The following SIGLEC11 variants were observed in gnomAD, a reference collection of about 807,000 sequenced individuals.
SIGLEC11 encodes sialic acid-binding Ig-like lectin 11.
Under a neutral mutation model 61.2 loss-of-function variants are expected in SIGLEC11, and 47 were observed. That is an observed-to-expected ratio of 0.77 (90% CI 0.61 to 0.98). SIGLEC11 has a LOEUF of 0.98. SIGLEC11 is among the 50% of genes least tolerant of loss of function. The pLI is 0.00. For missense variants in SIGLEC11, 610 were observed against 870.3 expected (o/e 0.70, Z 3.76); for synonymous variants, 278 against 373.1 (o/e 0.75, Z 2.94).
At chr19:49,950,647 C>G (rs1278643855) in intron 10 of SIGLEC11, among the ~76,000 whole-genome samples, 2 of 152,206 alleles carry the variant, frequency 1.3e-5, no homozygotes, top group Non-Finnish European at 2.9e-5. Flanking sequence ...CCTTATGGAA[C>G]AGCTCCCCTG....
intron 8 of SIGLEC11, among the ~76,000 whole-genome samples, chr19:49,956,308 A>T (rs2076195860): frequency 6.6e-6 from 1 of 152,236 alleles, no homozygotes; most frequent in African/African-American, 2.4e-5. Context: ...ATATGACGAT[A>T]AAACACTAAG....
At position 49,955,260 on chromosome 19, in the gene SIGLEC11, G is replaced by A. The variant is rs1161733762; in HGVS notation, c.1652-2866C>T. The stretch of plus-strand genomic sequence containing the variant: ...ACCAAGGGTTTAGTCCCTCTCCTCA[G>A]CCTGGCTCTATCTGGAAAAAGAGCG... On this transcript the variant is annotated intron_variant, in intron 8 of 10. Coordinates refer to ENST00000447370, the MANE Select transcript of SIGLEC11 (RefSeq NM_052884.3). The surrounding 1 kb of genome is among the most constrained non-coding windows in gnomAD (Gnocchi z 4.5). 6.7e-6 allele frequency among the ~76,000 whole-genome samples: 1 copy of A among 148,844 alleles called. No homozygotes were observed. The highest frequency in any genetic ancestry group is 2.5e-5 in the African/African-American group (1 of 40,270).
chr19:49,952,110 G>A (rs2076162269), intron 9 of SIGLEC11, 138 bp from the exon 10 acceptor site: 1 of 1,026,566 alleles, frequency 9.7e-7, no homozygotes, highest in African/African-American at 1.6e-5. Flanking sequence ...GACTTCCATA[G>A]TGAGAACTGG....
In SIGLEC11 at chr19:49,960,558, C is replaced by T. The variant is rs181147387; in HGVS notation, c.454G>A (p.Val152Ile). ...SFLSNAFFLKVTALTKKPDVY... is the reference protein window; with the variant it reads ...SFLSNAFFLKITALTKKPDVY... ...TTCCCACCCCATTCCATACCTGTTA[C>T]TTTTAGAAAGAACGCATTGCTCAGG... The change falls in exon 2 of 11, where the codon GTA becomes ATA. Residue 152 changes from valine to isoleucine, a missense_variant. Transcript: ENST00000447370. The T allele has an allele frequency of 1.1e-5, 17 of 1,598,280 alleles. 1 individual carries two copies. The Admixed American group carries it at 2.7e-4, about 25-fold the overall frequency.
chr19:49,959,092 G>C lies in SIGLEC11; in HGVS notation c.1058-15C>G. On this transcript the variant is annotated splice_polypyrimidine_tract_variant and intron_variant, in intron 5 of 10. Transcript: ENST00000447370. ...CTCTGGAGGATCTGAAATGGAGACA[G>C]GGGACCGGCTCTAGACAGACCAGGG... The C allele has an allele frequency of 6.2e-7, 1 of 1,613,846 alleles. No individual in the cohort carries two copies. The highest frequency in any genetic ancestry group is 8.5e-7 in the Non-Finnish European group (1 of 1,179,808).
chr19:49,955,252 T>A lies in SIGLEC11; in HGVS notation c.1652-2858A>T, dbSNP rs1438749020. ...CTAGGCACACCAAGGGTTTAGTCCCTCTCCTCAGCCTGGCTCTATCTGGAA... is the reference window on the plus strand; with the variant it reads ...CTAGGCACACCAAGGGTTTAGTCCCACTCCTCAGCCTGGCTCTATCTGGAA... On this transcript the variant is annotated intron_variant, in intron 8 of 10. Coordinates refer to ENST00000447370, the MANE Select transcript of SIGLEC11 (RefSeq NM_052884.3). This position sits in a 1 kb window ranked among gnomAD's most constrained non-coding sequence, Gnocchi z 4.5. 7.1e-6 allele frequency among the ~76,000 whole-genome samples: 1 copy of A among 140,482 alleles called. No individual in the cohort carries two copies. The highest frequency in any genetic ancestry group is 7.6e-5 in the Admixed American group (1 of 13,186). The allele number at this position is 140,482 out of a possible 152,430, so 92.2% of individuals were successfully genotyped here.
chr19:49,954,657 A>G (rs1291237191), intron 8 of SIGLEC11, among the ~76,000 whole-genome samples: 1 of 152,180 alleles, frequency 6.6e-6, no homozygotes, highest in East Asian at 1.9e-4. Context: ...GATCTGACGC[A>G]ATCCGTCTTT....
At chr19:49,952,214 C>T (rs1034977847) in intron 9 of SIGLEC11, 84 bp downstream of exon 9, 2 of 1,411,682 alleles carry the variant, frequency 1.4e-6, no homozygotes, top group South Asian at 2.5e-5. Flanking sequence ...ACTGCCCCAT[C>T]TAGATTCCTG....
rs1228806401 is a variant in SIGLEC11, at chr19:49,949,024, T to C, written c.*946A>G. ...TATTTATTTAGAAACAGAGTCTCACTCTGTTGCCCAGGCTGGAGTGCAGTG... is the reference window on the plus strand; with the variant it reads ...TATTTATTTAGAAACAGAGTCTCACCCTGTTGCCCAGGCTGGAGTGCAGTG... On this transcript the variant is annotated 3_prime_UTR_variant, in exon 11 of 11. Coordinates refer to ENST00000447370, the MANE Select transcript of SIGLEC11 (RefSeq NM_052884.3). The C allele has an allele frequency of 6.6e-6, 1 of 152,088 alleles. No homozygotes were observed. The highest frequency in any genetic ancestry group is 1.5e-5 in the Non-Finnish European group (1 of 68,028). 9.4% of individuals were successfully genotyped at this position (152,088 alleles called of 1,614,324 possible). A position where few individuals can be genotyped will look rare whatever the true frequency, so the allele number is the denominator to read the frequency against.
chr19:49,959,359 C>T lies in SIGLEC11; in HGVS notation c.1057+1G>A, dbSNP rs1477810900. 21 of 1,601,158 alleles carry T rather than the reference C, an allele frequency of 1.3e-5. 1 individual carries two copies. In the Admixed American group the frequency reaches 2.8e-4, roughly 22 times the overall value. On this transcript the variant is annotated splice_donor_variant, in intron 5 of 10. Transcript: ENST00000447370. LOFTEE classifies it high-confidence loss of function. ...TCCAGGCCCCTGCTAGGCACACTCA[C>T]ACTGCACAGAGAGGTCCAGGGCTTG...
Position 49,960,359 on chromosome 19 carries a change from C to A in SIGLEC11, c.523G>T (p.Val175Phe), listed in dbSNP as rs1165794272. ...ETLEPGQPVT[V>F]ICVFNWAFKK... ...AAAGCCCAGTTAAACACACAGATGA[C>A]CGTCACCGGCTGCCCGGGCTCCAGG... is the stretch of plus-strand genomic sequence containing the variant. The change falls in exon 3 of 11, where the codon GTC (valine) becomes TTC (phenylalanine). Residue 175 changes from valine (V) to phenylalanine (F), a missense_variant. Coordinates refer to ENST00000447370, the MANE Select transcript of SIGLEC11 (RefSeq NM_052884.3). The A allele has an allele frequency of 6.3e-7, 1 of 1,599,560 alleles. No homozygotes were observed. The highest frequency in any genetic ancestry group is 8.5e-7 in the Non-Finnish European group (1 of 1,178,222).
chr19:49,959,153 T>A, intron 5 of SIGLEC11, 76 bp from the exon 6 acceptor site: 1 of 1,602,642 alleles, frequency 6.2e-7, no homozygotes. Flanking sequence ...TCCTGGACAC[T>A]GAGGTGGGGG....
rs376315578 is a variant in SIGLEC11 at position 49,960,651 on chromosome 19, C to T, written c.361G>A (p.Ala121Thr). The change falls in exon 2 of 11, where the codon GCG (alanine) becomes ACG (threonine). Residue 121 changes from alanine (A) to threonine (T), a missense_variant. Transcript: ENST00000447370. ...KGSCSLVIRD[A>T]QREDEAWYFF... ...TACCATGCCTCATCCTCCCTCTGCG[C>T]GTCTCTGATCACCAAGGAGCAGCTC... The T allele has an allele frequency of 3.3e-5, 53 of 1,606,400 alleles. No homozygotes were observed. The highest frequency in any genetic ancestry group is 3.3e-4 in the Middle Eastern group (2 of 6,080).
Position 49,958,347 on chromosome 19 carries a change from C to T in SIGLEC11, c.1587G>A (p.Arg529=), listed in dbSNP as rs201637257. The change falls in exon 8 of 11, where the codon AGG becomes AGA. Residue 529 remains arginine (R), a synonymous_variant. Transcript: ENST00000447370. ...SLHGGLSSGL[R]LRCKAWNVHG... is the part of the protein sequence containing the mutation. Reference sequence around the variant, plus strand: ...GGACGTTCCAGGCCTTACAGCGGAGCCTGAGGCCGGAGCTGAGCCCTCCAT... The same window carrying T: ...GGACGTTCCAGGCCTTACAGCGGAGTCTGAGGCCGGAGCTGAGCCCTCCAT... The T allele has an allele frequency of 3.7e-6, 6 of 1,614,248 alleles. No individual in the cohort carries two copies. In the African/African-American group the frequency reaches 8.0e-5, roughly 22 times the overall value.
At chr19:49,957,231 GA>G (rs1402145758) in intron 8 of SIGLEC11, among the ~76,000 whole-genome samples, 1 of 151,830 alleles carries the variant, frequency 6.6e-6, no homozygotes, top group African/African-American at 2.4e-5. Context: ...TTTGTCTAAA[GA>G]AAAAAAGTGT....
chr19:49,958,580 G>A lies in SIGLEC11; in HGVS notation c.1364-10C>T, dbSNP rs1600617617. On this transcript the variant is annotated splice_polypyrimidine_tract_variant and intron_variant, in intron 7 of 10. Transcript: ENST00000447370. ...AGCAGCTGTGGAGGGTCTGTGGGGA[G>A]GGAGGACAGGACTCAGCAGGGGCCC... The A allele has an allele frequency of 1.3e-6, 2 of 1,568,024 alleles. No homozygotes were observed. The highest frequency in any genetic ancestry group is 1.7e-6 in the Non-Finnish European group (2 of 1,158,686).
chr19:49,958,706 A>T lies in SIGLEC11; in HGVS notation c.1300T>A (p.Phe434Ile). ...PPIQMEHEGE[F>I]TCHAQHPLGS... ...AGAGGGTGCTGAGCGTGGCAGGTGA[A>T]CTCTCCTTCGTGCTCCATTTGAATG... The change falls in exon 7 of 11, where the codon TTC (phenylalanine) becomes ATC (isoleucine). Residue 434 changes from phenylalanine to isoleucine, a missense_variant. Physicochemically the swap from Phe to Ile is conservative, Grantham distance 21. This residue lies in a region of SIGLEC11 where 432 missense variants were observed against 441.5 expected (regional missense o/e 0.98). Coordinates refer to ENST00000447370, the MANE Select transcript of SIGLEC11 (RefSeq NM_052884.3). 6.2e-7 allele frequency: 1 copy of T among 1,612,712 alleles called. No homozygotes were observed. Among genetic ancestry groups the T allele is most frequent in the South Asian group, 1.1e-5 (1 of 90,946 alleles).
At position 49,958,275 on chromosome 19, in the gene SIGLEC11, C is replaced by G; in HGVS notation, c.1651+8G>C. 6.2e-7 allele frequency: 1 copy of G among 1,613,650 alleles called. No homozygotes were observed. The highest frequency in any genetic ancestry group is 8.5e-7 in the Non-Finnish European group (1 of 1,179,890). On this transcript the variant is annotated splice_region_variant and intron_variant, in intron 8 of 10. Transcript: ENST00000447370. ...TCCCTGAACCTCAGCCCCCCACAGT[C>G]CCCTCACCTGGTAGCAGCTGGAAGA... is the stretch of plus-strand genomic sequence containing the variant.
chr19:49,951,606 C>T lies in SIGLEC11; in HGVS notation c.1830+285G>A, dbSNP rs1368751962. 6.6e-6 allele frequency among the ~76,000 whole-genome samples: 1 copy of T among 151,960 alleles called. No homozygotes were observed. Among genetic ancestry groups the T allele is most frequent in the Non-Finnish European group, 1.5e-5 (1 of 67,984 alleles). ...GAGATAGGAGGGAGGGCAAAGGAGT[C>T]GGGGATGCAGGAGGAAATGAGGAGT... is the stretch of plus-strand genomic sequence containing the variant. On this transcript the variant is annotated intron_variant, in intron 10 of 10. Transcript: ENST00000447370. The surrounding 1 kb of genome is among the most constrained non-coding windows in gnomAD (Gnocchi z 4.6).
Sources: gnomAD v4.1 joint callset for allele counts (sites outside exome capture counted in the v4.1 genomes callset) on GRCh38, gnomAD v4.1.1 for gene constraint, gnomAD v4.1.1 regional missense constraint, Gnocchi (gnomAD v3.1) non-coding constraint, MANE v1.5 for transcripts, NCBI Gene and HGNC (gene_info 2026-07-23, HGNC 2026-07-21) for gene names.